PPIH: variants seen among roughly 807,000 people sequenced by gnomAD.
The protein encoded by PPIH is peptidylprolyl isomerase H.
PPIH carries 16 observed loss-of-function variants against 27.6 expected under a neutral mutation model. The ratio of observed to expected loss-of-function variants is 0.58; its 90% confidence interval spans 0.39 to 0.88. The LOEUF is 0.88. Ranked by LOEUF, PPIH falls within the 40% of genes least tolerant of loss-of-function variation. The pLI, the probability that PPIH is intolerant of heterozygous loss-of-function variation, is 0.00. For synonymous variants in PPIH, 63 were observed against 76.1 expected (o/e 0.83, Z 0.90); for missense variants, 155 against 224.1 (o/e 0.69, Z 1.97).
At chr1:42,674,951 C>G (rs185038977) in intron 9 of PPIH, among the ~76,000 whole-genome samples, 3 of 152,332 alleles carry the variant, frequency 2.0e-5, no homozygotes, top group African/African-American at 7.2e-5. Context: ...CCAAGTCTTA[C>G]ACACGTAGAG....
chr1:42,675,425 T>C (rs1189442959), intron 9 of PPIH: 1 of 152,266 alleles, frequency 6.6e-6, no homozygotes, highest in Non-Finnish European at 1.5e-5. Flanking sequence ...CACTGTGGCA[T>C]TTAATATACT....
At chr1:42,663,588 T>TG in intron 5 of PPIH, among the ~76,000 whole-genome samples, 1 of 152,170 alleles carries the variant, frequency 6.6e-6, no homozygotes, top group South Asian at 2.1e-4. Context: ...TTAGTAGAGA[T>TG]GGGGTCTCAC....
At chr1:42,660,760 A>G (rs1374996397) in intron 4 of PPIH, 102 bp from the exon 5 acceptor site, 3 of 1,020,196 alleles carry the variant, frequency 2.9e-6, no homozygotes, top group East Asian at 5.1e-5. Context: ...AGCCAAAGTG[A>G]TAGTGTATTT....
chr1:42,670,205 T>C (rs1391150710), intron 9 of PPIH, among the ~76,000 whole-genome samples: 1 of 152,174 alleles, frequency 6.6e-6, no homozygotes, highest in Non-Finnish European at 1.5e-5. Flanking sequence ...TCAGGCCCAC[T>C]TGACACCCTG....
At position 42,667,446 on chromosome 1, in the gene PPIH, T is replaced by C; in HGVS notation, c.*21+6T>C. The C allele has an allele frequency of 1.9e-6, 3 of 1,553,036 alleles. No homozygotes were observed. The highest frequency in any genetic ancestry group is 2.7e-6 in the Non-Finnish European group (3 of 1,124,900). On this transcript the variant is annotated splice_donor_region_variant and intron_variant, in intron 9 of 9. Transcript: ENST00000304979. ...CCAGACAAAGACTGAATCAGGTAAG[T>C]GTGTCTTTCTCCTATTAGGTTAGGA...
At chr1:42,660,155 G>T (rs557727642) in intron 4 of PPIH, among the ~76,000 whole-genome samples, 53 of 152,282 alleles carry the variant, frequency 3.5e-4, no homozygotes, top group African/African-American at 1.2e-3. Flanking sequence ...CTCCCTAGGG[G>T]TAATAGCTAA....
At chr1:42,676,340 C>T (rs890772818) in intron 9 of PPIH, among the ~76,000 whole-genome samples, 4 of 151,986 alleles carry the variant, frequency 2.6e-5, no homozygotes, top group Admixed American at 1.3e-4. Flanking sequence ...TGGTGGCAGG[C>T]GCCTGTATTC....
chr1:42,663,308 T>G (rs1649145972), intron 5 of PPIH, among the ~76,000 whole-genome samples: 1 of 152,196 alleles, frequency 6.6e-6, no homozygotes, highest in African/African-American at 2.4e-5. Context: ...GAGTAGGTAA[T>G]TTCATCCTCA....
intron 9 of PPIH, among the ~76,000 whole-genome samples, chr1:42,670,559 T>C (rs1041904747): frequency 1.3e-5 from 2 of 151,916 alleles, no homozygotes; most frequent in African/African-American, 2.4e-5. Context: ...TTATATGAAC[T>C]TTTGCTTCCA....
At chr1:42,659,612 C>T in intron 4 of PPIH, 46 bp downstream of exon 4, 1 of 1,592,214 alleles carries the variant, frequency 6.3e-7, no homozygotes, top group Non-Finnish European at 8.5e-7. Flanking sequence ...GAAATATTTC[C>T]TGGGGGATTA....
chr1:42,658,502 T>C lies in PPIH; in HGVS notation c.56T>C (p.Ile19Thr), dbSNP rs1305378186. The stretch of plus-strand genomic sequence containing the variant: ...CCCGTGGTGTTCTTTGATGTCAGTA[T>C]TGGCGGTCAGGTGAGATCCAGGAGG... ...VNPVVFFDVS[I>T]GGQEVGRMKI... Residue 19 changes from isoleucine (I) to threonine (T), a missense_variant, in exon 1 of 10, where the codon ATT becomes ACT. Coordinates refer to ENST00000304979, the MANE Select transcript of PPIH (RefSeq NM_006347.4). 3 of 1,613,994 alleles carry C rather than the reference T, an allele frequency of 1.9e-6. No individual in the cohort carries two copies. Among genetic ancestry groups the C allele is most frequent in the African/African-American group, 1.3e-5 (1 of 74,928 alleles).
chr1:42,659,703 A>T, intron 4 of PPIH, 137 bp downstream of exon 4: 2 of 1,337,012 alleles, frequency 1.5e-6, no homozygotes, highest in African/African-American at 2.9e-5. Context: ...CAACAACTGA[A>T]GATTTATTAA....
chr1:42,672,787 C>T (rs1475252141), intron 9 of PPIH, among the ~76,000 whole-genome samples: 2 of 151,838 alleles, frequency 1.3e-5, no homozygotes, highest in African/African-American at 4.8e-5. Flanking sequence ...GCAGGGATCA[C>T]AGGCATGCTC....
chr1:42,659,236 G>T lies in PPIH; in HGVS notation c.140G>T (p.Cys47Phe). ...TTTTTTGTCCCTTTCAGGCAGTTCT[G>T]CACCGGAGAATTCAGGTCAGTTTCA... ...PKTAENFRQFCTGEFRKDGVP... is the reference protein window; with the variant it reads ...PKTAENFRQFFTGEFRKDGVP... Residue 47 changes from cysteine to phenylalanine, a missense_variant, in exon 3 of 10, where the codon TGC becomes TTC. Cys to Phe is a radical substitution (Grantham distance 205). Coordinates refer to ENST00000304979, the MANE Select transcript of PPIH (RefSeq NM_006347.4). 6.2e-7 allele frequency: 1 copy of T among 1,614,174 alleles called. No individual in the cohort carries two copies. The highest frequency in any genetic ancestry group is 8.5e-7 in the Non-Finnish European group (1 of 1,180,032).
At chr1:42,660,200 T>C (rs1557509631) in intron 4 of PPIH, among the ~76,000 whole-genome samples, 1 of 152,166 alleles carries the variant, frequency 6.6e-6, no homozygotes, top group Non-Finnish European at 1.5e-5. Flanking sequence ...AGCAGTACAT[T>C]TCACATAAAT....
At chr1:42,662,768 C>G (rs1233186040) in intron 5 of PPIH, among the ~76,000 whole-genome samples, 2 of 152,190 alleles carry the variant, frequency 1.3e-5, no homozygotes, top group Non-Finnish European at 2.9e-5. Flanking sequence ...CCCTCATTCT[C>G]ACCTCACAAT....
chr1:42,672,975 G>A (rs930652602), intron 9 of PPIH, among the ~76,000 whole-genome samples: 1 of 151,484 alleles, frequency 6.6e-6, no homozygotes, highest in Non-Finnish European at 1.5e-5. Flanking sequence ...TAGAAACCTT[G>A]GTTTTATCTC....
intron 9 of PPIH, among the ~76,000 whole-genome samples, chr1:42,668,254 C>T (rs1024032285): frequency 1.3e-5 from 2 of 152,040 alleles, no homozygotes; most frequent in Non-Finnish European, 2.9e-5. Flanking sequence ...CACTTAGATT[C>T]ACCAATGATT....
chr1:42,659,194 A>G, intron 2 of PPIH, 34 bp from the exon 3 acceptor site: 1 of 1,613,840 alleles, frequency 6.2e-7, no homozygotes, highest in Non-Finnish European at 8.5e-7. Flanking sequence ...GTGACATCAT[A>G]GTGATTGAAT....
Sources: allele counts gnomAD v4.1 joint callset (sites outside exome capture counted in the v4.1 genomes callset), GRCh38; gene constraint gnomAD v4.1.1; transcripts MANE v1.5; gene names NCBI Gene and HGNC (gene_info 2026-07-23, HGNC 2026-07-21).